CORO7: variants seen among roughly 807,000 people sequenced by gnomAD.
CORO7 encodes coronin 7, also known as coronin-7.
CORO7 carries 107 observed loss-of-function variants against 126.6 expected under a neutral mutation model. The observed-to-expected ratio is 0.85, with a 90% CI of 0.72 to 0.99. CORO7 has a LOEUF of 0.99. CORO7 is among the 50% of genes least tolerant of loss of function. The pLI, the probability that CORO7 is intolerant of heterozygous loss-of-function variation, is 0.00. For synonymous variants in CORO7, 603 were observed against 536.8 expected (o/e 1.12, Z -1.70); for missense variants, 1,314 against 1,255.8 (o/e 1.05, Z -0.70).
At position 4,400,033 on chromosome 16, in the gene CORO7, C is replaced by T. The variant is rs533665764; in HGVS notation, c.565-4694G>A. On this transcript the variant is annotated intron_variant, in intron 6 of 27. Transcript: ENST00000251166. Reference sequence around the variant, plus strand: ...CATACAGACAATGAAAAGATCAGTGCTTGGCAGTGATCTGGGAGGAGGGCG... The same window carrying T: ...CATACAGACAATGAAAAGATCAGTGTTTGGCAGTGATCTGGGAGGAGGGCG... Among the ~76,000 whole-genome samples the T allele has an allele frequency of 5.9e-5, 9 of 152,228 alleles. No individual in the cohort carries two copies. In the South Asian group the frequency reaches 1.7e-3, roughly 28 times the overall value.
intron 9 of CORO7, among the ~76,000 whole-genome samples, chr16:4,371,051 C>G (rs1359818365): frequency 1.3e-5 from 2 of 152,212 alleles, no homozygotes; most frequent in Non-Finnish European, 2.9e-5. Context: ...CCCCTCCTGC[C>G]CAATCAAGGG....
chr16:4,403,444 G>A (rs953830024), intron 6 of CORO7, among the ~76,000 whole-genome samples: 1 of 152,140 alleles, frequency 6.6e-6, no homozygotes, highest in Non-Finnish European at 1.5e-5. Flanking sequence ...CCCGCAGGCG[G>A]AATTCCTAGG....
chr16:4,366,783 T>TA (rs2054362511), intron 9 of CORO7, among the ~76,000 whole-genome samples: 2 of 152,176 alleles, frequency 1.3e-5, no homozygotes, highest in Admixed American at 6.5e-5. Context: ...CCTCAAGTGA[T>TA]ACTCCCACCT....
intron 9 of CORO7, chr16:4,381,445 G>A (rs1265590036): frequency 6.3e-7 from 1 of 1,580,542 alleles, no homozygotes; most frequent in Non-Finnish European, 8.6e-7. Context: ...CGGCATCCTG[G>A]ACACTGCCAA....
At chr16:4,357,349 TTCTTTC>T (rs2054009061) in intron 25 of CORO7, 90 bp from the exon 26 acceptor site, 1 of 1,263,206 alleles carries the variant, frequency 7.9e-7, no homozygotes, top group Non-Finnish European at 1.0e-6. Flanking sequence ...TTTCTTTTCT[TTCTTTC>T]TTTTTTTTTT....
chr16:4,364,494 G>A (rs888535836), intron 13 of CORO7, 81 bp from the exon 14 acceptor site: 48 of 1,485,098 alleles, frequency 3.2e-5, no homozygotes, highest in Non-Finnish European at 3.6e-5. Context: ...CAACTGGGTA[G>A]GGATGGGGGG....
chr16:4,373,822 C>T (rs1205868550), intron 9 of CORO7, among the ~76,000 whole-genome samples: 1 of 152,164 alleles, frequency 6.6e-6, no homozygotes, highest in Non-Finnish European at 1.5e-5. Flanking sequence ...GCAGGCCAGA[C>T]AGCCAGTCCT....
At chr16:4,376,323 G>C (rs550150786) in intron 9 of CORO7, among the ~76,000 whole-genome samples, 52 of 152,328 alleles carry the variant, frequency 3.4e-4, no homozygotes, top group African/African-American at 1.2e-3. Flanking sequence ...TGCCTGGAGG[G>C]GTTGGCAGAC....
chr16:4,401,436 T>C (rs888787724), intron 6 of CORO7, among the ~76,000 whole-genome samples: 2 of 152,212 alleles, frequency 1.3e-5, no homozygotes, highest in African/African-American at 4.8e-5. Flanking sequence ...GGCAAAGCCC[T>C]GCCAGCTGCA....
At chr16:4,377,349 G>C (rs1212164439) in intron 9 of CORO7, among the ~76,000 whole-genome samples, 7 of 151,580 alleles carry the variant, frequency 4.6e-5, no homozygotes, top group Non-Finnish European at 1.0e-4. Context: ...GGGATCACCG[G>C]GTGGGAGGGT....
chr16:4,381,028 C>G (rs2054937097), intron 9 of CORO7: 1 of 1,610,064 alleles, frequency 6.2e-7, no homozygotes, highest in African/African-American at 1.3e-5. Context: ...CCGAGACGTG[C>G]CACCCGACAC....
intron 14 of CORO7, among the ~76,000 whole-genome samples, 163 bp downstream of exon 14, chr16:4,364,113 G>A (rs1366271639): frequency 6.6e-6 from 1 of 152,154 alleles, no homozygotes; most frequent in Non-Finnish European, 1.5e-5. Flanking sequence ...TTGAACCTAG[G>A]AAGAGGAGGT....
intron 9 of CORO7, among the ~76,000 whole-genome samples, chr16:4,377,367 C>T (rs887272246): frequency 6.6e-6 from 1 of 151,980 alleles, no homozygotes; most frequent in East Asian, 1.9e-4. Flanking sequence ...GGTGGGTGGG[C>T]GGCGGCAACC....
chr16:4,364,988 G>T lies in CORO7; in HGVS notation c.898+15C>A. The T allele has an allele frequency of 6.2e-7, 1 of 1,605,186 alleles. No homozygotes were observed. The highest frequency in any genetic ancestry group is 1.1e-5 in the South Asian group (1 of 89,704). On this transcript the variant is annotated intron_variant, in intron 11 of 27. Transcript: ENST00000251166. ...AGGGGAGGGTAGGGGATGGGGGCGA[G>T]GAAGCAAGGCTTACCTGGGCTCAGC... is the stretch of plus-strand genomic sequence containing the variant.
At chr16:4,363,709 T>TCAAAAACAAAAA (rs528292120) in intron 14 of CORO7, among the ~76,000 whole-genome samples, 6 of 149,948 alleles carry the variant, frequency 4.0e-5, no homozygotes, top group African/African-American at 1.5e-4. Flanking sequence ...GAGACTCATC[T>TCAAAAACAAAAA]CAAAAACAAA....
chr16:4,367,738 G>A (rs1232772822), intron 9 of CORO7, among the ~76,000 whole-genome samples: 4 of 152,148 alleles, frequency 2.6e-5, no homozygotes, highest in African/African-American at 9.7e-5. Context: ...GCCTGTTTGA[G>A]GAACAAGATG....
intron 7 of CORO7, among the ~76,000 whole-genome samples, chr16:4,394,445 T>C (rs1408822748): frequency 1.5e-4 from 20 of 136,530 alleles, no homozygotes; most frequent in African/African-American, 5.7e-4. Flanking sequence ...CGAGACTCCG[T>C]CTCAAAAAAA....
At position 4,374,387 on chromosome 16, in the gene CORO7, C is replaced by A. The variant is rs991153678; in HGVS notation, c.786-8842G>T. Among the ~76,000 whole-genome samples, 8 of 151,856 alleles carry A rather than the reference C, an allele frequency of 5.3e-5. No homozygotes were observed. The South Asian group carries it at 1.7e-3, about 32-fold the overall frequency. On this transcript the variant is annotated intron_variant, in intron 9 of 27. Coordinates refer to ENST00000251166, the MANE Select transcript of CORO7 (RefSeq NM_024535.5). The stretch of plus-strand genomic sequence containing the variant: ...TGGAGGAGGCTCCCTCAGGCCACCT[C>A]GGTTTTGGGCAGGGGGTGGGGGCAG...
At chr16:4,360,857 C>T (rs984604830) in intron 19 of CORO7, 86 bp downstream of exon 19, 32 of 1,471,930 alleles carry the variant, frequency 2.2e-5, no homozygotes, top group South Asian at 1.7e-4. Flanking sequence ...CTGCTGGCCC[C>T]GCCACTCCTC....
Sources: allele counts gnomAD v4.1 joint callset (sites outside exome capture counted in the v4.1 genomes callset), GRCh38; gene constraint gnomAD v4.1.1; transcripts MANE v1.5; gene names NCBI Gene and HGNC (gene_info 2026-07-23, HGNC 2026-07-21).